UNC5D: variants seen among roughly 807,000 people sequenced by gnomAD.
The protein encoded by UNC5D is unc-5 netrin receptor D, also known as netrin receptor UNC5D.
Under a neutral mutation model 105.4 loss-of-function variants are expected in UNC5D, and 39 were observed. The observed-to-expected ratio is 0.37, with a 90% CI of 0.29 to 0.48. UNC5D has a LOEUF of 0.48. Ranked by LOEUF, UNC5D falls within the 20% of genes least tolerant of loss-of-function variation. The pLI is 0.98. For synonymous variants in UNC5D, 452 were observed against 450.4 expected, an observed-to-expected ratio of 1.00 and a Z score of -0.04; for missense variants, 991 against 1,202.4, an observed-to-expected ratio of 0.82 and a Z score of 2.60.
At chr8:35,250,718 A>G (rs1803635638) in intron 1 of UNC5D, among the ~76,000 whole-genome samples, 1 of 152,022 alleles carries the variant, frequency 6.6e-6, no homozygotes, top group South Asian at 2.1e-4. Flanking sequence ...ACTGGTCTTG[A>G]ACTCCTGACC....
At chr8:35,453,160 G>T (rs1808279408) in intron 1 of UNC5D, among the ~76,000 whole-genome samples, 1 of 152,122 alleles carries the variant, frequency 6.6e-6, no homozygotes, top group Non-Finnish European at 1.5e-5. Flanking sequence ...ATGGCATAAG[G>T]ATTAATTTAC....
chr8:35,451,041 CTTTT>C (rs11368288), intron 1 of UNC5D, among the ~76,000 whole-genome samples: 23 of 103,956 alleles, frequency 2.2e-4, no homozygotes, highest in African/African-American at 6.0e-4. Flanking sequence ...TAATAATAAT[CTTTT>C]TTTTTTTTTT....
At chr8:35,710,055 A>C (rs1827845849) in intron 8 of UNC5D, among the ~76,000 whole-genome samples, 1 of 152,218 alleles carries the variant, frequency 6.6e-6, no homozygotes, top group African/African-American at 2.4e-5. Context: ...ATGACCTAAT[A>C]TATTCAAGGA....
chr8:35,776,764 AT>A (rs1802265190), intron 16 of UNC5D, among the ~76,000 whole-genome samples: 1 of 152,222 alleles, frequency 6.6e-6, no homozygotes, highest in Non-Finnish European at 1.5e-5. Context: ...CCCCCTTGAC[AT>A]TTTCACAATC....
At chr8:35,573,486 A>T (rs1817885869) in intron 3 of UNC5D, among the ~76,000 whole-genome samples, 1 of 152,160 alleles carries the variant, frequency 6.6e-6, no homozygotes, top group African/African-American at 2.4e-5. Context: ...AAAAAAAGTT[A>T]GGTGATCAAA....
intron 1 of UNC5D, among the ~76,000 whole-genome samples, chr8:35,248,547 A>G (rs1382041615): frequency 5.8e-5 from 3 of 51,658 alleles, no homozygotes; most frequent in African/African-American, 1.7e-4. Flanking sequence ...AAATAGATAT[A>G]ATATATAAAT....
intron 4 of UNC5D, among the ~76,000 whole-genome samples, chr8:35,618,608 C>T (rs1821170871): frequency 6.6e-6 from 1 of 152,112 alleles, no homozygotes; most frequent in Admixed American, 6.5e-5. Flanking sequence ...CATTGAGGAC[C>T]CACATGCCAG....
At chr8:35,396,048 T>A (rs1293479341) in intron 1 of UNC5D, among the ~76,000 whole-genome samples, 1 of 152,190 alleles carries the variant, frequency 6.6e-6, no homozygotes. Flanking sequence ...GAGCATTTAA[T>A]ATTAATAATT....
At chr8:35,451,436 A>G (rs1352326006) in intron 1 of UNC5D, among the ~76,000 whole-genome samples, 8 of 152,096 alleles carry the variant, frequency 5.3e-5, no homozygotes, top group Non-Finnish European at 7.4e-5. Context: ...AGCTCTTTAT[A>G]TATATTAAGA....
At chr8:35,423,073 T>G (rs1303785657) in intron 1 of UNC5D, among the ~76,000 whole-genome samples, 1 of 152,228 alleles carries the variant, frequency 6.6e-6, no homozygotes, top group Non-Finnish European at 1.5e-5. Flanking sequence ...CAAGTGAAAA[T>G]CACCCTTTTG....
intron 1 of UNC5D, among the ~76,000 whole-genome samples, chr8:35,380,234 A>G (rs898535833): frequency 2.0e-5 from 3 of 151,092 alleles, no homozygotes; most frequent in African/African-American, 7.3e-5. Flanking sequence ...AGAGAGAGAG[A>G]GAGAGTGAGA....
intron 1 of UNC5D, among the ~76,000 whole-genome samples, chr8:35,508,773 A>T (rs1812497596): frequency 6.6e-6 from 1 of 152,198 alleles, no homozygotes; most frequent in Non-Finnish European, 1.5e-5. Context: ...CACACTGGTG[A>T]TAAGCTCGGC....
intron 1 of UNC5D, among the ~76,000 whole-genome samples, chr8:35,438,043 T>C (rs998585969): frequency 6.6e-6 from 1 of 151,968 alleles, no homozygotes; most frequent in Non-Finnish European, 1.5e-5. Flanking sequence ...TATGTTATAT[T>C]AGTATGTTTT....
At chr8:35,480,664 TC>T (rs1303723351) in intron 1 of UNC5D, among the ~76,000 whole-genome samples, 1 of 152,194 alleles carries the variant, frequency 6.6e-6, no homozygotes, top group Non-Finnish European at 1.5e-5. Flanking sequence ...AAGTTTATGT[TC>T]TTTTGAGGCT....
intron 15 of UNC5D, among the ~76,000 whole-genome samples, chr8:35,771,652 T>C (rs1802016829): frequency 6.6e-6 from 1 of 152,184 alleles, no homozygotes; most frequent in Non-Finnish European, 1.5e-5. Flanking sequence ...TAACCACCTA[T>C]CCACCTAATT....
At chr8:35,321,145 C>T (rs1292852167) in intron 1 of UNC5D, among the ~76,000 whole-genome samples, 1 of 152,124 alleles carries the variant, frequency 6.6e-6, no homozygotes, top group East Asian at 1.9e-4. Context: ...CCTTGGACCA[C>T]AATTTGCTTT....
At chr8:35,733,989 T>G (rs1179502424) in intron 11 of UNC5D, among the ~76,000 whole-genome samples, 1 of 152,094 alleles carries the variant, frequency 6.6e-6, no homozygotes, top group Non-Finnish European at 1.5e-5. Flanking sequence ...CCAGTGATTT[T>G]TTTTTTTCCT....
At chr8:35,560,677 G>C (rs1344883090) in intron 2 of UNC5D, among the ~76,000 whole-genome samples, 1 of 151,948 alleles carries the variant, frequency 6.6e-6, no homozygotes, top group Non-Finnish European at 1.5e-5. Context: ...CCTCATGTTA[G>C]AAGAAGGCCT....
At chr8:35,538,383 A>T (rs886786850) in intron 1 of UNC5D, among the ~76,000 whole-genome samples, 6 of 125,348 alleles carry the variant, frequency 4.8e-5, no homozygotes, top group African/African-American at 1.5e-4. Flanking sequence ...GTCGTGATTT[A>T]AAAAAAAATA....
Sources: allele counts gnomAD v4.1 joint callset (sites outside exome capture counted in the v4.1 genomes callset), GRCh38; gene constraint gnomAD v4.1.1; transcripts MANE v1.5; gene names NCBI Gene and HGNC (gene_info 2026-07-23, HGNC 2026-07-21).